TEX11: variants seen among roughly 807,000 people sequenced by gnomAD.
TEX11 encodes testis expressed 11.
A neutral mutation model predicts 84.4 loss-of-function variants in TEX11; 7 were observed. The ratio of observed to expected loss-of-function variants is 0.08; its 90% CI spans 0.05 to 0.16. TEX11 has a LOEUF of 0.16. Among genes scored for constraint, TEX11 ranks in the 10% least tolerant of loss-of-function variants. The pLI, the probability that TEX11 is intolerant of heterozygous loss-of-function variation, is 1.00. For synonymous variants in TEX11, 264 were observed against 222.8 expected (o/e 1.18, Z -1.64); for missense variants, 551 against 660.5 (o/e 0.83, Z 1.82).
At chrX:70,588,056 C>A (rs776874907) in intron 25 of TEX11, among the ~76,000 whole-genome samples, 2 of 112,442 alleles carry the variant, frequency 1.8e-5, no homozygotes, top group South Asian at 3.7e-4. Flanking sequence ...AATATCTGTA[C>A]CCCCATTTTA....
chrX:70,626,404 T>G lies in TEX11; in HGVS notation c.1609-1480A>C, dbSNP rs1314594499. Reference sequence around the variant, plus strand: ...CACCCCAGCTCTTACTTTCACACATTCTACTTTCTGTCTACCGCCTCTTAC... The same window carrying G: ...CACCCCAGCTCTTACTTTCACACATGCTACTTTCTGTCTACCGCCTCTTAC... On this transcript the variant is annotated intron_variant, in intron 18 of 29. Transcript: ENST00000374333. 3.6e-5 allele frequency among the ~76,000 whole-genome samples: 4 copies of G among 110,004 alleles called. No homozygotes were observed. In the South Asian group the frequency reaches 1.2e-3, roughly 33 times the overall value.
intron 17 of TEX11, among the ~76,000 whole-genome samples, chrX:70,631,526 T>C (rs2089510327): frequency 9.4e-6 from 1 of 106,859 alleles, no homozygotes; most frequent in African/African-American, 3.4e-5. Context: ...TGCGGCCTCC[T>C]GAACTGTAAG....
chrX:70,657,564 A>C (rs1473750279), intron 16 of TEX11, among the ~76,000 whole-genome samples: 1 of 111,048 alleles, frequency 9.0e-6, no homozygotes, highest in African/African-American at 3.3e-5. Flanking sequence ...ATAACCGACT[A>C]TTTAAAAATG....
downstream of TEX11, among the ~76,000 whole-genome samples, chrX:70,528,581 C>A (rs1340613917): frequency 9.1e-6 from 1 of 109,766 alleles, no homozygotes; most frequent in Admixed American, 9.8e-5. Context: ...CCACCTCAGC[C>A]TCCCAAAGTG....
intron 13 of TEX11, among the ~76,000 whole-genome samples, chrX:70,708,511 TGTG>T (rs940711110): frequency 9.9e-5 from 11 of 111,595 alleles, no homozygotes; most frequent in African/African-American, 3.6e-4. Flanking sequence ...TGTTCATCAC[TGTG>T]CTATTCACAA....
At chrX:70,839,493 T>C (rs1039033570) in intron 7 of TEX11, among the ~76,000 whole-genome samples, 2 of 110,944 alleles carry the variant, frequency 1.8e-5, no homozygotes, top group African/African-American at 6.6e-5. Context: ...CATCTGTAGG[T>C]CACCATCATC....
chrX:70,743,066 TA>T (rs1285662782), intron 10 of TEX11, among the ~76,000 whole-genome samples: 1 of 111,900 alleles, frequency 8.9e-6, no homozygotes, highest in Admixed American at 9.5e-5. Context: ...CCCTACCCCC[TA>T]AAACCACCAT....
intron 8 of TEX11, among the ~76,000 whole-genome samples, chrX:70,812,064 C>A (rs1278613394): frequency 2.7e-5 from 3 of 111,426 alleles, no homozygotes; most frequent in African/African-American, 9.8e-5. Context: ...GCTTTTGTTG[C>A]CATTGTTTTT....
chrX:70,891,385 A>G (rs2091737176), intron 2 of TEX11, among the ~76,000 whole-genome samples: 1 of 111,823 alleles, frequency 8.9e-6, no homozygotes, highest in South Asian at 3.8e-4. Context: ...AATGACTTTG[A>G]CGAGCTGACA....
intron 13 of TEX11, among the ~76,000 whole-genome samples, chrX:70,713,911 T>C (rs2090467889): frequency 8.9e-6 from 1 of 112,037 alleles, no homozygotes; most frequent in African/African-American, 3.2e-5. Context: ...TCTTTCCTGC[T>C]TTCTCTTGTG....
At chrX:70,690,818 T>C (rs1226063056) in intron 13 of TEX11, among the ~76,000 whole-genome samples, 3 of 111,285 alleles carry the variant, frequency 2.7e-5, no homozygotes, top group Non-Finnish European at 5.7e-5. Flanking sequence ...ATGGTCTAAA[T>C]ATGCCAATTA....
At chrX:70,881,026 A>AAAAACT in intron 2 of TEX11, among the ~76,000 whole-genome samples, 1 of 99,591 alleles carries the variant, frequency 1.0e-5, no homozygotes, top group South Asian at 4.4e-4. Context: ...AAAAAAAAAA[A>AAAAACT]AAAACTAAAA....
At chrX:70,782,130 C>T (rs2091043344) in intron 9 of TEX11, among the ~76,000 whole-genome samples, 1 of 112,037 alleles carries the variant, frequency 8.9e-6, no homozygotes, top group African/African-American at 3.2e-5. Context: ...TTGGCACAAA[C>T]CCTATAAGCC....
intron 13 of TEX11, among the ~76,000 whole-genome samples, chrX:70,708,996 A>G (rs2090402559): frequency 9.0e-6 from 1 of 110,919 alleles, no homozygotes; most frequent in Non-Finnish European, 1.9e-5. Context: ...GAAAAAACCT[A>G]CAAACTTATC....
chrX:70,530,064 T>C, intron 28 of TEX11, 65 bp from the exon 29 acceptor site: 1 of 957,123 alleles, frequency 1.0e-6, no homozygotes, highest in Non-Finnish European at 1.5e-6. Flanking sequence ...ACTACCTGTA[T>C]CCATGCTATG....
intron 20 of TEX11, among the ~76,000 whole-genome samples, chrX:70,618,950 C>T (rs1480433646): frequency 9.0e-6 from 1 of 111,062 alleles, no homozygotes; most frequent in Non-Finnish European, 1.9e-5. Flanking sequence ...CACAAGCTCA[C>T]ACTCAATATG....
intron 14 of TEX11, among the ~76,000 whole-genome samples, chrX:70,682,394 A>G (rs895096513): frequency 4.5e-5 from 5 of 111,841 alleles, no homozygotes; most frequent in Admixed American, 9.5e-5. Flanking sequence ...ATATTAAATT[A>G]GGCTTGTAAC....
At chrX:70,762,437 C>T (rs2090914565) in intron 9 of TEX11, among the ~76,000 whole-genome samples, 1 of 111,223 alleles carries the variant, frequency 9.0e-6, no homozygotes, top group South Asian at 3.8e-4. Context: ...AAAGCAGGAA[C>T]CGGGCTGCAC....
downstream of TEX11, among the ~76,000 whole-genome samples, chrX:70,524,215 C>A (rs901303008): frequency 8.9e-6 from 1 of 112,302 alleles, no homozygotes; most frequent in Non-Finnish European, 1.9e-5. Flanking sequence ...AGAATGTAAG[C>A]TCTTTGAAGG....
Sources: allele counts gnomAD v4.1 joint callset (sites outside exome capture counted in the v4.1 genomes callset), GRCh38; gene constraint gnomAD v4.1.1; transcripts MANE v1.5; gene names NCBI Gene and HGNC (gene_info 2026-07-23, HGNC 2026-07-21).